CHADL: variants seen among roughly 807,000 people sequenced by gnomAD.
CHADL encodes the protein chondroadherin-like protein.
A neutral mutation model predicts 52.1 loss-of-function variants in CHADL; 48 were observed. The ratio of observed to expected loss-of-function variants is 0.92; its 90% CI spans 0.73 to 1.17. The LOEUF (loss-of-function observed/expected upper bound fraction) is 1.17, where lower values mean the gene tolerates loss of function less well. Among genes scored for constraint, CHADL ranks in the 50% most tolerant of loss-of-function variants. The pLI is 0.00. For missense variants in CHADL, 977 were observed against 1,035.1 expected, an observed-to-expected ratio of 0.94 and a Z score of 0.77; for synonymous variants, 498 against 511.2, an observed-to-expected ratio of 0.97 and a Z score of 0.35.
chr22:41,232,882 A>G (rs144400083), intron 5 of CHADL, among the ~76,000 whole-genome samples: 10 of 152,242 alleles, frequency 6.6e-5, no homozygotes, highest in African/African-American at 2.4e-4. Flanking sequence ...CGTGACTGCC[A>G]ACTGAGATTA....
Position 41,240,863 on chromosome 22 carries a change from CAA to C in CHADL, c.8+9_8+10del, listed in dbSNP as rs2032850507. The C allele has an allele frequency of 6.4e-7, 1 of 1,550,838 alleles. No homozygotes were observed. Among genetic ancestry groups the C allele is most frequent in the Non-Finnish European group, 8.7e-7 (1 of 1,146,878 alleles). On this transcript the variant is annotated intron_variant, in intron 1 of 5. Transcript: ENST00000216241. Reference sequence around the variant, plus strand: ...GAATCCCCCCTTGCACCATCGGGCCCAAAGACTCACCCCTCCATGCCGCCTGG... The same window carrying C: ...GAATCCCCCCTTGCACCATCGGGCCCAGACTCACCCCTCCATGCCGCCTGG...
Position 41,237,398 on chromosome 22 carries a change from G to A in CHADL, c.1674C>T (p.Thr558=), listed in dbSNP as rs186070767. ...GGCCCAGCGCCCCAAGGGACACTTC[G>A]GTGATGCGGTTTCCACTCAGGTAGA... ...RWVYLSGNRI[T]EVSLGALGPA... is the part of the protein sequence containing the mutation. Residue 558 remains threonine, a synonymous_variant, in exon 3 of 6, where the codon ACC becomes ACT. Transcript: ENST00000216241. 3.2e-5 allele frequency: 49 copies of A among 1,550,622 alleles called. No homozygotes were observed. The East Asian group carries it at 8.6e-4, about 27-fold the overall frequency.
rs752266513 is a variant in CHADL, at chr22:41,238,831, C to G, written c.241G>C (p.Ala81Pro). ...GTGAGGTGAGGCACGCCCTGGAAGG[C>G]GGCTGCGGGGATCACCTTCAGCAAA... The part of the protein sequence containing the change: ...GNLLKVIPAA[A>P]FQGVPHLTHL... Residue 81 changes from alanine (A) to proline (P), a missense_variant, in exon 3 of 6, where the codon GCC becomes CCC. Ala to Pro is a conservative substitution (Grantham distance 27). Coordinates refer to ENST00000216241, the MANE Select transcript of CHADL (RefSeq NM_138481.2). The surrounding 1 kb of genome is among the most constrained non-coding windows in gnomAD (Gnocchi z 4.9). The G allele has an allele frequency of 6.5e-7, 1 of 1,547,642 alleles. No individual in the cohort carries two copies. Among genetic ancestry groups the G allele is most frequent in the Non-Finnish European group, 8.7e-7 (1 of 1,145,142 alleles).
chr22:41,240,411 G>T (rs1389830042), intron 1 of CHADL, among the ~76,000 whole-genome samples: 1 of 152,200 alleles, frequency 6.6e-6, no homozygotes, highest in Non-Finnish European at 1.5e-5. Context: ...CTCAGCCTGT[G>T]TCAGGCATGG....
In CHADL at chr22:41,238,858, T is replaced by C; in HGVS notation, c.214A>G (p.Asn72Asp). ...GCTGCGGGGATCACCTTCAGCAAAT[T>C]GCCCTGCAGGTCCAGCCGCTGGGTC... ...ELTQRLDLQG[N>D]LLKVIPAAAF... Residue 72 changes from asparagine (N) to aspartate (D), a missense_variant, in exon 3 of 6, where the codon AAT (asparagine) becomes GAT (aspartate). Coordinates refer to ENST00000216241, the MANE Select transcript of CHADL (RefSeq NM_138481.2). This position sits in a 1 kb window ranked among gnomAD's most constrained non-coding sequence, Gnocchi z 4.9. The C allele has an allele frequency of 6.5e-7, 1 of 1,541,466 alleles. No individual in the cohort carries two copies. Among genetic ancestry groups the C allele is most frequent in the Non-Finnish European group, 8.8e-7 (1 of 1,140,150 alleles).
In CHADL at chr22:41,237,298, G is replaced by T; in HGVS notation, c.1774C>A (p.Leu592Met). The T allele has an allele frequency of 6.4e-7, 1 of 1,550,638 alleles. No individual in the cohort carries two copies. The highest frequency in any genetic ancestry group is 1.2e-5 in the South Asian group (1 of 84,060). The part of the protein sequence containing the change: ...REVPTGALEG[L>M]PALLELQLSG... ...AGCTGCAGCTCCAGGAGGGCAGGCA[G>T]CCCCTCCAAGGCCCCAGTGGGCACC... Residue 592 changes from leucine (L) to methionine (M), a missense_variant, in exon 3 of 6, where the codon CTG becomes ATG. Transcript: ENST00000216241.
In CHADL at chr22:41,237,927, C is replaced by A; in HGVS notation, c.1145G>T (p.Gly382Val). 2.3e-6 allele frequency: 3 copies of A among 1,278,368 alleles called. No individual in the cohort carries two copies. The highest frequency in any genetic ancestry group is 2.9e-6 in the Non-Finnish European group (3 of 1,018,134). 79.2% of individuals were successfully genotyped at this position (1,278,368 alleles called of 1,614,324 possible). Residue 382 changes from glycine to valine, a missense_variant, in exon 3 of 6, where the codon GGC becomes GTC. Transcript: ENST00000216241. ...CTCCTCCCCGGGGCCGCGCGGAGGGCCGCGCGGAGGGGCGCGGGGCCCGGC... is the reference window on the plus strand; with the variant it reads ...CTCCTCCCCGGGGCCGCGCGGAGGGACGCGCGGAGGGGCGCGGGGCCCGGC... ...AVAGPRAPPR[G>V]PPRGPGEERA... is the part of the protein sequence containing the mutation.
chr22:41,232,100 C>A lies in CHADL; in HGVS notation c.2263-2370G>T, dbSNP rs573680053. 2.6e-3 allele frequency among the ~76,000 whole-genome samples: 397 copies of A among 151,760 alleles called. 1 individual carries two copies. The highest frequency in any genetic ancestry group is 3.9e-3 in the East Asian group (20 of 5,142). ...GTAATCCCAGCACTTTGGGAGGCCACGGCGGGCGGATCACAAGGTCAGGAG... is the reference window on the plus strand; with the variant it reads ...GTAATCCCAGCACTTTGGGAGGCCAAGGCGGGCGGATCACAAGGTCAGGAG... On this transcript the variant is annotated intron_variant, in intron 5 of 5. Transcript: ENST00000216241.
intron 5 of CHADL, among the ~76,000 whole-genome samples, chr22:41,234,835 G>C (rs1029699298): frequency 1.3e-5 from 2 of 152,222 alleles, no homozygotes; most frequent in Non-Finnish European, 2.9e-5. Context: ...TTACAGGCGT[G>C]AGCCAACGCA....
intron 5 of CHADL, chr22:41,230,456 C>G: frequency 1.8e-6 from 1 of 543,630 alleles, no homozygotes; most frequent in Admixed American, 3.4e-5. Flanking sequence ...GTGGAAAGGT[C>G]TATATGACGG....
At chr22:41,231,369 G>C (rs982163964) in intron 5 of CHADL, 4 of 152,188 alleles carry the variant, frequency 2.6e-5, no homozygotes, top group African/African-American at 9.7e-5. Context: ...GTCAAGACAC[G>C]AGTGTGCAGG....
chr22:41,234,994 T>C, intron 5 of CHADL, 151 bp downstream of exon 5: 1 of 785,802 alleles, frequency 1.3e-6, no homozygotes, highest in Non-Finnish European at 2.0e-6. Flanking sequence ...CAGCCTCGGA[T>C]GGACATTATT....
chr22:41,240,549 T>C (rs1261878841), intron 1 of CHADL, among the ~76,000 whole-genome samples: 1 of 152,220 alleles, frequency 6.6e-6, no homozygotes, highest in African/African-American at 2.4e-5. Context: ...AGTTGGTGGC[T>C]TCTCCAGAGC....
intron 5 of CHADL, among the ~76,000 whole-genome samples, chr22:41,232,548 T>G (rs908106294): frequency 6.6e-6 from 1 of 152,138 alleles, no homozygotes; most frequent in Non-Finnish European, 1.5e-5. Flanking sequence ...ACAATGCCAG[T>G]GCCTGAGCCT....
chr22:41,230,966 G>A (rs1302136239), intron 5 of CHADL: 1 of 152,220 alleles, frequency 6.6e-6, no homozygotes, highest in African/African-American at 2.4e-5. Flanking sequence ...ACATTGGGAG[G>A]AAGATGGCCT....
In CHADL at chr22:41,237,216, G is replaced by A; in HGVS notation, c.1856C>T (p.Ser619Leu). The change falls in exon 3 of 6, where the codon TCG becomes TTG. Residue 619 changes from serine (S) to leucine (L), a missense_variant. Coordinates refer to ENST00000216241, the MANE Select transcript of CHADL (RefSeq NM_138481.2). ...GCTGTTCAGGAAGAGGTGCTGCAGCGACCTGCCCACAGGCTGGAAGGCTCC... is the reference window on the plus strand; with the variant it reads ...GCTGTTCAGGAAGAGGTGCTGCAGCAACCTGCCCACAGGCTGGAAGGCTCC... ...RDGAFQPVGR[S>L]LQHLFLNSSG... 1.3e-6 allele frequency: 2 copies of A among 1,548,946 alleles called. No homozygotes were observed. Among genetic ancestry groups the A allele is most frequent in the Non-Finnish European group, 1.7e-6 (2 of 1,145,918 alleles).
chr22:41,235,580 G>A (rs73885752), intron 4 of CHADL, among the ~76,000 whole-genome samples: 3,144 of 152,284 alleles, frequency 0.021, 87 homozygotes, highest in African/African-American at 0.072. Flanking sequence ...GAGAATCTTG[G>A]CGGCTCACCA....
intron 1 of CHADL, among the ~76,000 whole-genome samples, chr22:41,240,638 A>C (rs768352959): frequency 6.6e-6 from 1 of 152,218 alleles, no homozygotes; most frequent in Non-Finnish European, 1.5e-5. Flanking sequence ...AAGCATTCAT[A>C]ATGCAGGGAC....
intron 5 of CHADL, chr22:41,230,093 CAGAGT>C: frequency 1.3e-5 from 13 of 965,748 alleles, no homozygotes; most frequent in South Asian, 4.5e-5. Context: ...CCACCCCTCC[CAGAGT>C]TATTTACTCG....
Sources: gnomAD v4.1 joint callset for allele counts (sites outside exome capture counted in the v4.1 genomes callset) on GRCh38, gnomAD v4.1.1 for gene constraint, Gnocchi (gnomAD v3.1) non-coding constraint, MANE v1.5 for transcripts, NCBI Gene and HGNC (gene_info 2026-07-23, HGNC 2026-07-21) for gene names.